The following RAD54B variants were observed in gnomAD, a reference collection of about 807,000 sequenced individuals.
RAD54B encodes DNA repair and recombination protein RAD54B.
RAD54B carries 78 observed loss-of-function variants against 95.8 expected under a neutral mutation model. The ratio of observed to expected loss-of-function variants is 0.81; its 90% CI spans 0.68 to 0.98. The LOEUF (loss-of-function observed/expected upper bound fraction) is 0.98. RAD54B is among the 50% of genes least tolerant of loss of function. The pLI, the probability that RAD54B is intolerant of heterozygous loss-of-function variation, is 0.00. For missense variants in RAD54B, 957 were observed against 1,056.6 expected (o/e 0.91, Z 1.31); for synonymous variants, 328 against 354.9 (o/e 0.92, Z 0.85).
intron 12 of RAD54B, among the ~76,000 whole-genome samples, chr8:94,379,278 A>G (rs1171111502): frequency 6.6e-6 from 1 of 152,202 alleles, no homozygotes; most frequent in Non-Finnish European, 1.5e-5. Flanking sequence ...TCTGGAGGCT[A>G]AAGACTGATT....
chr8:94,450,992 T>C (rs983542806), intron 3 of RAD54B, among the ~76,000 whole-genome samples: 15 of 152,188 alleles, frequency 9.9e-5, no homozygotes, highest in African/African-American at 3.6e-4. Flanking sequence ...GAGGTATTGG[T>C]ATGAGCTGAT....
At chr8:94,422,597 AAAAAAAAAAAAAAAAAAAAAAT>A (rs1196446915) in intron 3 of RAD54B, among the ~76,000 whole-genome samples, 7 of 82,040 alleles carry the variant, frequency 8.5e-5, no homozygotes, top group African/African-American at 4.7e-4. Context: ...CAAAAAAAAA[AAAAAAAAAAAAAAAAAAAAAAT>A]ATATATATAT....
intron 8 of RAD54B, among the ~76,000 whole-genome samples, chr8:94,396,768 G>A (rs1811158258): frequency 6.6e-6 from 1 of 152,082 alleles, no homozygotes. Context: ...AACCCCCAAT[G>A]TGACTGTTTT....
chr8:94,464,974 T>C (rs1240196808), intron 2 of RAD54B, among the ~76,000 whole-genome samples: 1 of 152,102 alleles, frequency 6.6e-6, no homozygotes, highest in Admixed American at 6.5e-5. Flanking sequence ...GAAAACTCAC[T>C]CATTACCATG....
chr8:94,380,704 A>G (rs1368785192), intron 11 of RAD54B, among the ~76,000 whole-genome samples: 1 of 152,262 alleles, frequency 6.6e-6, no homozygotes, highest in African/African-American at 2.4e-5. Flanking sequence ...AACTCTGAAG[A>G]TATTTGAAAA....
rs78743145 is a variant in RAD54B, at chr8:94,410,953, A to G, written c.499+168T>C. ...CATAAACCATAAGATTGTCAGGCTC[A>G]CTAACCATTATGAGATTATTTTATG... On this transcript the variant is annotated intron_variant, in intron 4 of 14. Coordinates refer to ENST00000336148, the MANE Select transcript of RAD54B (RefSeq NM_012415.3). 9.0e-3 allele frequency among the ~76,000 whole-genome samples: 1,368 copies of G among 152,248 alleles called. 19 individuals carry two copies. Among genetic ancestry groups the G allele is most frequent in the African/African-American group, 0.031 (1,285 of 41,560 alleles).
chr8:94,451,452 T>G (rs1812655054), intron 3 of RAD54B, among the ~76,000 whole-genome samples: 1 of 152,192 alleles, frequency 6.6e-6, no homozygotes, highest in African/African-American at 2.4e-5. Flanking sequence ...ATAGATGGAA[T>G]GAGAAAACTA....
At chr8:94,436,977 A>C in intron 3 of RAD54B, 1 of 1,420,966 alleles carries the variant, frequency 7.0e-7, no homozygotes, top group Non-Finnish European at 9.2e-7. Flanking sequence ...GGCTAGCCTC[A>C]TTTAGGCCCA....
intron 7 of RAD54B, 47 bp from the exon 8 acceptor site, chr8:94,399,668 T>C: frequency 6.5e-7 from 1 of 1,529,376 alleles, no homozygotes; most frequent in African/African-American, 1.4e-5. Context: ...AGAAACTATA[T>C]GAAATCAAAT....
chr8:94,467,604 AC>A, intron 1 of RAD54B, 49 bp from the exon 2 acceptor site: 1 of 1,510,458 alleles, frequency 6.6e-7, no homozygotes, highest in Admixed American at 2.0e-5. Flanking sequence ...AATTACAATC[AC>A]CCCCAAATAT....
intron 11 of RAD54B, among the ~76,000 whole-genome samples, chr8:94,380,756 T>C (rs1409106884): frequency 6.6e-6 from 1 of 152,138 alleles, no homozygotes; most frequent in Non-Finnish European, 1.5e-5. Context: ...GGAGTATACA[T>C]AAGGTGATGC....
chr8:94,443,181 G>A (rs1403189259), intron 3 of RAD54B, among the ~76,000 whole-genome samples: 2 of 152,146 alleles, frequency 1.3e-5, no homozygotes. Flanking sequence ...GGACATGAAT[G>A]GAGGTGGAAG....
At chr8:94,431,735 G>A (rs2130102988) in intron 3 of RAD54B, 2 of 992,122 alleles carry the variant, frequency 2.0e-6, no homozygotes, top group South Asian at 9.2e-5. Context: ...TTGGTATTAG[G>A]TTAGTATAGC....
chr8:94,388,608 C>G (rs1190654630), intron 10 of RAD54B, among the ~76,000 whole-genome samples: 10 of 152,056 alleles, frequency 6.6e-5, no homozygotes, highest in Non-Finnish European at 1.2e-4. Flanking sequence ...GTGTTGCACC[C>G]CCTCTTTAGT....
At chr8:94,378,470 A>C in intron 13 of RAD54B, 90 bp from the exon 14 acceptor site, 1 of 1,424,034 alleles carries the variant, frequency 7.0e-7, no homozygotes, top group Non-Finnish European at 9.6e-7. Context: ...CTAGTTAATA[A>C]AATAACAATA....
In RAD54B at chr8:94,396,163, T is replaced by C. The variant is rs57915858; in HGVS notation, c.1379-2281A>G. The stretch of plus-strand genomic sequence containing the variant: ...GAACCAATTGTATAGTATAGCATCA[T>C]TGTAAGAGTTTGTCACATTGCTTTC... On this transcript the variant is annotated intron_variant, in intron 8 of 14. Coordinates refer to ENST00000336148, the MANE Select transcript of RAD54B (RefSeq NM_012415.3). Among the ~76,000 whole-genome samples, 1,046 of 152,208 alleles carry C rather than the reference T, an allele frequency of 6.9e-3. 15 individuals carry two copies. Among genetic ancestry groups the C allele is most frequent in the African/African-American group, 0.024 (996 of 41,536 alleles).
chr8:94,383,064 A>AG (rs535589965), intron 11 of RAD54B, among the ~76,000 whole-genome samples: 70 of 152,254 alleles, frequency 4.6e-4, no homozygotes, highest in East Asian at 3.9e-3. Context: ...TGGGAGGCCA[A>AG]GGGGGGTGGG....
intron 3 of RAD54B, chr8:94,431,378 T>C (rs868717612): frequency 4.5e-5 from 44 of 984,728 alleles, no homozygotes; most frequent in Middle Eastern, 5.2e-4. Context: ...ATGGGGGTAA[T>C]TGATGTAATT....
At chr8:94,455,764 A>G (rs188471884) in intron 3 of RAD54B, among the ~76,000 whole-genome samples, 1 of 152,326 alleles carries the variant, frequency 6.6e-6, no homozygotes, top group East Asian at 1.9e-4. Flanking sequence ...GGTGGTTTCC[A>G]GCAATCATGG....
Sources: gnomAD v4.1 joint callset for allele counts (sites outside exome capture counted in the v4.1 genomes callset) on GRCh38, gnomAD v4.1.1 for gene constraint, MANE v1.5 for transcripts, NCBI Gene and HGNC (gene_info 2026-07-23, HGNC 2026-07-21) for gene names.